The following RALGPS1 variants were observed in gnomAD, a reference collection of about 807,000 sequenced individuals.
RALGPS1 encodes ras-specific guanine nucleotide-releasing factor RalGPS1.
Under a neutral mutation model 78.8 loss-of-function variants are expected in RALGPS1, and 19 were observed. That is an observed-to-expected ratio of 0.24 (90% CI 0.17 to 0.35). The LOEUF is 0.35. Ranked by LOEUF, RALGPS1 falls within the 10% of genes least tolerant of loss-of-function variation. The pLI is 1.00. For synonymous variants in RALGPS1, 228 were observed against 256.3 expected (o/e 0.89, Z 1.06); for missense variants, 454 against 688.3 (o/e 0.66, Z 3.81).
At chr9:126,921,958 A>G (rs544874932) in intron 1 of RALGPS1, among the ~76,000 whole-genome samples, 33 of 152,340 alleles carry the variant, frequency 2.2e-4, no homozygotes, top group African/African-American at 6.5e-4. Context: ...TGCACAAGCA[A>G]TGTGTTAAAA....
intron 8 of RALGPS1, chr9:127,108,433 T>G (rs768996133): frequency 3.1e-6 from 5 of 1,608,820 alleles, no homozygotes; most frequent in South Asian, 2.2e-5. Flanking sequence ...GATCTGCCGC[T>G]TCTGCTTGAG....
intron 8 of RALGPS1, among the ~76,000 whole-genome samples, chr9:127,117,046 G>A (rs2055506932): frequency 6.6e-6 from 1 of 152,212 alleles, no homozygotes; most frequent in Non-Finnish European, 1.5e-5. Context: ...ATCTGATCAT[G>A]TCAGCGTCCT....
intron 4 of RALGPS1, among the ~76,000 whole-genome samples, chr9:126,978,595 C>T (rs1373232561): frequency 3.5e-5 from 5 of 142,368 alleles, no homozygotes; most frequent in African/African-American, 1.3e-4. Flanking sequence ...GACAAAAGAG[C>T]GAGACTCTGT....
intron 8 of RALGPS1, among the ~76,000 whole-genome samples, chr9:127,112,581 G>T (rs2054948405): frequency 6.6e-6 from 1 of 152,198 alleles, no homozygotes; most frequent in Admixed American, 6.5e-5. Flanking sequence ...TCCCAAACAT[G>T]GGCTCTCACA....
At chr9:127,129,447 G>A (rs1239605752) in intron 8 of RALGPS1, among the ~76,000 whole-genome samples, 4 of 152,166 alleles carry the variant, frequency 2.6e-5, no homozygotes, top group Non-Finnish European at 5.9e-5. Flanking sequence ...TCAGTGGGGG[G>A]GGATTCCAAC....
chr9:127,211,036 A>G lies in RALGPS1; in HGVS notation c.1248-1095A>G, dbSNP rs2062223791. 3.3e-5 allele frequency among the ~76,000 whole-genome samples: 5 copies of G among 152,188 alleles called. No homozygotes were observed. In the South Asian group the frequency reaches 1.0e-3, roughly 32 times the overall value. ...AAGAATGATAGGAATTCGCCAAATA[A>G]TTGGAAGTGGAGGGGCAATGAGAAT... On this transcript the variant is annotated intron_variant, in intron 14 of 18. Transcript: ENST00000259351. The surrounding 1 kb of genome is among the most constrained non-coding windows in gnomAD (Gnocchi z 5.0).
rs1303379294 is a variant in RALGPS1, at chr9:127,091,300, C to G, written c.610+21944C>G. On this transcript the variant is annotated intron_variant, in intron 8 of 18. Coordinates refer to ENST00000259351, the MANE Select transcript of RALGPS1 (RefSeq NM_014636.3). The surrounding 1 kb of genome is among the most constrained non-coding windows in gnomAD (Gnocchi z 4.3). Reference sequence around the variant, plus strand: ...AGCACTGGAGCCCAGGTGTGTGGCCCAGAGCCTACGCAGTTGGTTAGCTCT... The same window carrying G: ...AGCACTGGAGCCCAGGTGTGTGGCCGAGAGCCTACGCAGTTGGTTAGCTCT... Among the ~76,000 whole-genome samples the G allele has an allele frequency of 6.6e-6, 1 of 152,212 alleles. No homozygotes were observed. The highest frequency in any genetic ancestry group is 6.5e-5 in the Admixed American group (1 of 15,290).
chr9:127,208,777 G>A (rs148786503), intron 14 of RALGPS1, among the ~76,000 whole-genome samples: 3 of 152,288 alleles, frequency 2.0e-5, no homozygotes, highest in Non-Finnish European at 2.9e-5. Context: ...GAAGATGCTC[G>A]TTTCAAGCTC....
chr9:126,964,536 C>G (rs1186868078), intron 2 of RALGPS1, among the ~76,000 whole-genome samples: 1 of 150,474 alleles, frequency 6.6e-6, no homozygotes, highest in Non-Finnish European at 1.5e-5. Flanking sequence ...CAGATGATAA[C>G]TGAGACTCAG....
chr9:127,049,816 G>A (rs753619509), intron 5 of RALGPS1, among the ~76,000 whole-genome samples: 1 of 152,208 alleles, frequency 6.6e-6, no homozygotes, highest in Non-Finnish European at 1.5e-5. Flanking sequence ...GCTTTCTCTT[G>A]GCACTGCAGT....
intron 8 of RALGPS1, among the ~76,000 whole-genome samples, chr9:127,106,015 T>G (rs563727551): frequency 2.0e-5 from 3 of 152,214 alleles, no homozygotes; most frequent in Non-Finnish European, 4.4e-5. Context: ...TCAGAAGAGT[T>G]AAATAACTAT....
chr9:126,968,767 G>A (rs1263907932), intron 3 of RALGPS1, among the ~76,000 whole-genome samples: 1 of 152,168 alleles, frequency 6.6e-6, no homozygotes, highest in Non-Finnish European at 1.5e-5. Context: ...TCTAGTAATC[G>A]TCCGGGCGCG....
rs535442531 is a variant in RALGPS1 at position 127,222,151 on chromosome 9, C to G, written c.*3382C>G. 1 of 152,382 alleles carries G rather than the reference C, an allele frequency of 6.6e-6. No individual in the cohort carries two copies. The highest frequency in any genetic ancestry group is 1.9e-4 in the East Asian group (1 of 5,190). The allele number at this position is 152,382 out of a possible 1,614,324, so 9.4% of individuals were successfully genotyped here. A position where few individuals can be genotyped will look rare whatever the true frequency, so the allele number is the denominator to read the frequency against. On this transcript the variant is annotated 3_prime_UTR_variant, in exon 19 of 19. Coordinates refer to ENST00000259351, the MANE Select transcript of RALGPS1 (RefSeq NM_014636.3). The stretch of plus-strand genomic sequence containing the variant: ...ATGCTGAGAACAAGTCAGATCTGAT[C>G]CCTGCCCTCATGGACCTGACCACTC...
At chr9:127,140,513 T>A (rs1419226596) in intron 8 of RALGPS1, among the ~76,000 whole-genome samples, 1 of 152,194 alleles carries the variant, frequency 6.6e-6, no homozygotes, top group Non-Finnish European at 1.5e-5. Context: ...CACTGAAGGA[T>A]GAATCCCCTG....
intron 8 of RALGPS1, among the ~76,000 whole-genome samples, chr9:127,138,615 A>G (rs2057558766): frequency 6.6e-6 from 1 of 152,212 alleles, no homozygotes; most frequent in Non-Finnish European, 1.5e-5. Context: ...GGTGCCAGTC[A>G]TCAGCCCTGC....
intron 8 of RALGPS1, among the ~76,000 whole-genome samples, chr9:127,072,677 A>G (rs928714734): frequency 1.3e-5 from 2 of 152,222 alleles, no homozygotes; most frequent in Non-Finnish European, 2.9e-5. Flanking sequence ...AAATTAATCT[A>G]TAATTGCGTT....
intron 1 of RALGPS1, among the ~76,000 whole-genome samples, chr9:126,927,396 A>T (rs2035382626): frequency 6.6e-6 from 1 of 151,024 alleles, no homozygotes; most frequent in African/African-American, 2.4e-5. Flanking sequence ...ATGGTGTGGA[A>T]ACCGGTGGTG....
chr9:127,078,313 A>AT (rs748845263), intron 8 of RALGPS1, among the ~76,000 whole-genome samples: 29 of 152,070 alleles, frequency 1.9e-4, no homozygotes, highest in Non-Finnish European at 3.2e-4. Context: ...TAAAATTCAC[A>AT]TTTTTTCTGG....
Position 127,176,407 on chromosome 9 carries a change from G to C in RALGPS1, c.910+1625G>C, listed in dbSNP as rs567399139. Among the ~76,000 whole-genome samples the C allele has an allele frequency of 2.6e-5, 4 of 152,250 alleles. 1 individual carries two copies. The highest frequency in any genetic ancestry group is 9.6e-5 in the African/African-American group (4 of 41,548). ...GCGCAGTCACCTACAACTGACCTGT[G>C]GGGGACGAGGAGGGAGCAGGGCAGG... On this transcript the variant is annotated intron_variant, in intron 11 of 18. Transcript: ENST00000259351.
Sources: gnomAD v4.1 joint callset for allele counts (sites outside exome capture counted in the v4.1 genomes callset) on GRCh38, gnomAD v4.1.1 for gene constraint, Gnocchi (gnomAD v3.1) non-coding constraint, MANE v1.5 for transcripts, NCBI Gene and HGNC (gene_info 2026-07-23, HGNC 2026-07-21) for gene names.